The following NPC1 variants were observed in gnomAD, a reference collection of about 807,000 sequenced individuals.
The protein encoded by NPC1 is NPC intracellular cholesterol transporter 1, also known as Niemann-Pick C1 protein.
Under a neutral mutation model 140.4 loss-of-function variants are expected in NPC1, and 85 were observed. The ratio of observed to expected loss-of-function variants is 0.61; its 90% CI spans 0.51 to 0.72. The LOEUF (loss-of-function observed/expected upper bound fraction) is 0.72, where lower values mean the gene tolerates loss of function less well. Among genes scored for constraint, NPC1 ranks in the 30% least tolerant of loss-of-function variants. The pLI, the probability that NPC1 is intolerant of heterozygous loss-of-function variation, is 0.00. For missense variants in NPC1, 1,504 were observed against 1,623.8 expected, an observed-to-expected ratio of 0.93 and a Z score of 1.27; for synonymous variants, 656 against 624.8, an observed-to-expected ratio of 1.05 and a Z score of -0.74.
Position 23,538,614 on chromosome 18 carries a change from G to A in NPC1, c.2969C>T (p.Pro990Leu). Reference protein sequence around the residue: ...RPLTPEGKQRPQGGDFMRFLP... With the variant: ...RPLTPEGKQRLQGGDFMRFLP... ...GAATCTCATGAAGTCTCCCCCCTGA[G>A]GCCTCTGTTTGCCTTCCGGAGTCAG... is the stretch of plus-strand genomic sequence containing the variant. The change falls in exon 20 of 25, where the codon CCT becomes CTT. Residue 990 changes from proline to leucine, a missense_variant. Coordinates refer to ENST00000269228, the MANE Select transcript of NPC1 (RefSeq NM_000271.5). The A allele has an allele frequency of 6.2e-7, 1 of 1,614,154 alleles. No homozygotes were observed. Among genetic ancestry groups the A allele is most frequent in the Non-Finnish European group, 8.5e-7 (1 of 1,180,012 alleles).
rs752728865 is a variant in NPC1, at chr18:23,538,650, C to T, written c.2933G>A (p.Arg978His). 2.6e-5 allele frequency: 42 copies of T among 1,613,900 alleles called. No homozygotes were observed. Among genetic ancestry groups the T allele is most frequent in the African/African-American group, 4.0e-5 (3 of 74,912 alleles). Reference protein sequence around the residue: ...NASVVDPACVRCRPLTPEGKQ... With the variant: ...NASVVDPACVHCRPLTPEGKQ... Reference sequence around the variant, plus strand: ...GCCTTCCGGAGTCAGAGGCCTGCAGCGAACGCAGGCAGGGTCAACCACTGG... The same window carrying T: ...GCCTTCCGGAGTCAGAGGCCTGCAGTGAACGCAGGCAGGGTCAACCACTGG... Residue 978 changes from arginine to histidine, a missense_variant, in exon 20 of 25, where the codon CGC becomes CAC. By Grantham distance (29) the Arg-to-His change is conservative. Coordinates refer to ENST00000269228, the MANE Select transcript of NPC1 (RefSeq NM_000271.5).
At chr18:23,551,573 A>G in intron 10 of NPC1, 54 bp downstream of exon 10, 1 of 1,349,082 alleles carries the variant, frequency 7.4e-7, no homozygotes, top group Non-Finnish European at 1.1e-6. Flanking sequence ...GATGCTAATG[A>G]CAAAACCGAG....
At chr18:23,579,500 A>C (rs999978168) in intron 1 of NPC1, among the ~76,000 whole-genome samples, 1 of 152,292 alleles carries the variant, frequency 6.6e-6, no homozygotes, top group South Asian at 2.1e-4. Flanking sequence ...GATCATATGG[A>C]TATTTCACAA....
chr18:23,532,692 TC>T (rs1567941471), intron 24 of NPC1, among the ~76,000 whole-genome samples: 1 of 88,984 alleles, frequency 1.1e-5, no homozygotes, highest in Non-Finnish European at 2.1e-5. Flanking sequence ...AAAGTGCTCA[TC>T]TCTTTTTTTT....
At chr18:23,510,642 G>A (rs893775853) in intron 3 of NPC1, among the ~76,000 whole-genome samples, 3 of 150,208 alleles carry the variant, frequency 2.0e-5, no homozygotes, top group East Asian at 2.0e-4. Flanking sequence ...GCGAGACTCC[G>A]TCTCAAAAAA....
downstream of NPC1, among the ~76,000 whole-genome samples, chr18:23,521,899 GA>G (rs1342344378): frequency 2.0e-5 from 3 of 152,150 alleles, no homozygotes; most frequent in African/African-American, 7.2e-5. Flanking sequence ...GCTCTCTTTT[GA>G]AGGAGATTGG....
At position 23,544,943 on chromosome 18, in the gene NPC1, A is replaced by AACCCCCCCC. The variant is rs2058763448; in HGVS notation, c.1947+16_1947+17insGGGGGGGGT. ...GCTGTTAACCTCTAGAACATACACC[A>AACCCCCCCC]CCCCCCCCCGGCTTACCAGAAGCCT... On this transcript the variant is annotated intron_variant, in intron 12 of 24. Transcript: ENST00000269228. 215 of 1,041,552 alleles carry AACCCCCCCC rather than the reference A, an allele frequency of 2.1e-4. 1 individual carries two copies. Among genetic ancestry groups the AACCCCCCCC allele is most frequent in the South Asian group, 5.8e-4 (43 of 74,618 alleles). 64.5% of individuals were successfully genotyped at this position (1,041,552 alleles called of 1,614,324 possible). A position where few individuals can be genotyped will look rare whatever the true frequency, so the allele number is the denominator to read the frequency against.
chr18:23,586,353 G>C lies in NPC1; in HGVS notation c.-10C>G. The C allele has an allele frequency of 6.5e-7, 1 of 1,532,330 alleles. No homozygotes were observed. Among genetic ancestry groups the C allele is most frequent in the South Asian group, 1.2e-5 (1 of 83,688 alleles). 94.9% of individuals were successfully genotyped at this position (1,532,330 alleles called of 1,614,324 possible). On this transcript the variant is annotated 5_prime_UTR_variant, in exon 1 of 25. Coordinates refer to ENST00000269228, the MANE Select transcript of NPC1 (RefSeq NM_000271.5). Reference sequence around the variant, plus strand: ...GGCCGCGAGCGGTCATGCTGTGGCCGCGCAAGGCTGCTGACGCCGGCGGCG... The same window carrying C: ...GGCCGCGAGCGGTCATGCTGTGGCCCCGCAAGGCTGCTGACGCCGGCGGCG...
chr18:23,524,941 C>CTTTTTTTTTTT (rs5823396), downstream of NPC1, among the ~76,000 whole-genome samples: 1 of 69,216 alleles, frequency 1.4e-5, no homozygotes, highest in Non-Finnish European at 2.5e-5. Context: ...TTAGAGAAAT[C>CTTTTTTTTTTT]TTTTTTTTTT....
Position 23,544,971 on chromosome 18 carries a change from G to A in NPC1, c.1936C>T (p.Arg646Cys), listed in dbSNP as rs368129141. The change falls in exon 12 of 25, where the codon CGC (arginine) becomes TGC (cysteine). Residue 646 changes from arginine to cysteine, a missense_variant. Coordinates refer to ENST00000269228, the MANE Select transcript of NPC1 (RefSeq NM_000271.5). ...SLALGHMKSCRRLLVDSKVSL... is the reference protein window; with the variant it reads ...SLALGHMKSCCRLLVDSKVSL... ...CCCCCCCGGCTTACCAGAAGCCTGC[G>A]ACAGCTTTTCATGTGCCCCAAGGCT... 10 of 1,515,028 alleles carry A rather than the reference G, an allele frequency of 6.6e-6. No homozygotes were observed. The highest frequency in any genetic ancestry group is 3.4e-5 in the South Asian group (3 of 88,648). The allele number at this position is 1,515,028 out of a possible 1,614,324, so 93.8% of individuals were successfully genotyped here.
chr18:23,559,172 G>A (rs991382438), intron 6 of NPC1, among the ~76,000 whole-genome samples: 5 of 152,014 alleles, frequency 3.3e-5, no homozygotes, highest in African/African-American at 4.8e-5. Flanking sequence ...GAATAGTGCC[G>A]CTATAAACAT....
Position 23,557,104 on chromosome 18 carries a change from CAA to C in NPC1, c.955+11_955+12del. 2 of 1,604,452 alleles carry C rather than the reference CAA, an allele frequency of 1.2e-6. No individual in the cohort carries two copies. The highest frequency in any genetic ancestry group is 1.7e-6 in the Non-Finnish European group (2 of 1,171,428). On this transcript the variant is annotated intron_variant, in intron 7 of 24. Transcript: ENST00000269228. ...TCATCTGAACCCTTTTATTCATGGA[CAA>C]ATATGCCTACCTTTGTCACTTGCAT...
chr18:23,567,942 AAC>A (rs1277002614), intron 4 of NPC1, among the ~76,000 whole-genome samples: 8 of 152,290 alleles, frequency 5.3e-5, no homozygotes, highest in South Asian at 2.1e-4. Flanking sequence ...TGCTCTAGAT[AAC>A]AGTTGTTTAT....
chr18:23,535,682 G>T lies in NPC1; in HGVS notation c.3264C>A (p.Tyr1088Ter). ...CGTCAATGATGGTCAGGTACTGTTC[G>T]TAGAAGACATAAAACACACTGGAGG... ...VFPYSVFYVFYEQYLTIIDDT... is the reference protein window; with the variant it reads ...VFPYSVFYVF Residue 1088 changes from tyrosine to a stop codon, truncating the protein, a stop_gained, in exon 22 of 25, where the codon TAC (tyrosine) becomes TAA (stop). Coordinates refer to ENST00000269228, the MANE Select transcript of NPC1 (RefSeq NM_000271.5). LOFTEE classifies it high-confidence loss of function. 1 of 1,613,484 alleles carries T rather than the reference G, an allele frequency of 6.2e-7. No homozygotes were observed. Among genetic ancestry groups the T allele is most frequent in the Non-Finnish European group, 8.5e-7 (1 of 1,179,480 alleles).
chr18:23,507,775 T>C (rs577519219), intron 3 of NPC1, among the ~76,000 whole-genome samples: 1 of 152,228 alleles, frequency 6.6e-6, no homozygotes, highest in Non-Finnish European at 1.5e-5. Context: ...TTGTATTAAC[T>C]TAAAAAAAAT....
chr18:23,548,048 T>C lies in NPC1; in HGVS notation c.1715A>G (p.Asn572Ser). The change falls in exon 11 of 25, where the codon AAT (asparagine) becomes AGT (serine). Residue 572 changes from asparagine to serine, a missense_variant. Transcript: ENST00000269228. ...VITFPVNNYY[N>S]DTEKLQRAQA... ...GGCCCTCTGGAGCTTCTCTGTATCA[T>C]TATAGTAATTATTGACAGGGAAGGT... The C allele has an allele frequency of 6.2e-7, 1 of 1,612,202 alleles. No homozygotes were observed. Among genetic ancestry groups the C allele is most frequent in the Non-Finnish European group, 8.5e-7 (1 of 1,178,234 alleles).
downstream of NPC1, chr18:23,526,780 TC>T (rs1335117975): frequency 2.5e-6 from 4 of 1,611,892 alleles, no homozygotes; most frequent in Non-Finnish European, 2.5e-6. Flanking sequence ...GTTGAATCCT[TC>T]CCCCTTGCTC....
chr18:23,550,020 G>GTT (rs879690133), intron 10 of NPC1, among the ~76,000 whole-genome samples: 13 of 140,378 alleles, frequency 9.3e-5, no homozygotes, highest in African/African-American at 1.8e-4. Flanking sequence ...TTTTTGTCCA[G>GTT]TTTTTTTTTT....
chr18:23,526,762 C>A, downstream of NPC1: 1 of 1,613,872 alleles, frequency 6.2e-7, no homozygotes, highest in Non-Finnish European at 8.5e-7. Flanking sequence ...TGTCTGTTCA[C>A]AGAGTAAGTT....
Sources: allele counts gnomAD v4.1 joint callset (sites outside exome capture counted in the v4.1 genomes callset), GRCh38; gene constraint gnomAD v4.1.1; transcripts MANE v1.5; gene names NCBI Gene and HGNC (gene_info 2026-07-23, HGNC 2026-07-21).